Variants in KIAA1217 observed in about 807,000 individuals in gnomAD.
KIAA1217 encodes the protein KIAA1217.
A neutral mutation model predicts 163.9 loss-of-function variants in KIAA1217; 88 were observed. The ratio of observed to expected loss-of-function variants is 0.54; its 90% CI spans 0.45 to 0.64. The LOEUF (loss-of-function observed/expected upper bound fraction) is 0.64, where lower values mean the gene tolerates loss of function less well. Ranked by LOEUF, KIAA1217 falls within the 30% of genes least tolerant of loss-of-function variation. The probability of loss-of-function intolerance (pLI) is 0.00; values close to 1 mark genes in which losing one functional copy is unlikely to be tolerated. For synonymous variants in KIAA1217, 903 were observed against 923.1 expected (o/e 0.98, Z 0.39); for missense variants, 2,372 against 2,475.0 (o/e 0.96, Z 0.88).
At chr10:24,542,803 C>A in intron 18 of KIAA1217, 33 bp downstream of exon 18, 3 of 1,611,392 alleles carry the variant, frequency 1.9e-6, no homozygotes, top group Non-Finnish European at 1.7e-6. Flanking sequence ...CCGACCAATA[C>A]CATGCACATT....
chr10:24,266,056 A>G lies in KIAA1217; in HGVS notation c.354+46147A>G, dbSNP rs1003300995. Among the ~76,000 whole-genome samples, 6 of 151,710 alleles carry G rather than the reference A, an allele frequency of 4.0e-5. 1 individual carries two copies. Among genetic ancestry groups the G allele is most frequent in the Admixed American group, 3.9e-4 (6 of 15,212 alleles). On this transcript the variant is annotated intron_variant, in intron 2 of 20. Transcript: ENST00000376454. Reference sequence around the variant, plus strand: ...GAGGCCCCAGTGTAATCAACATCAAATTTGTGTATCTGCAAAGGCTGATCT... The same window carrying G: ...GAGGCCCCAGTGTAATCAACATCAAGTTTGTGTATCTGCAAAGGCTGATCT...
intron 2 of KIAA1217, among the ~76,000 whole-genome samples, chr10:24,284,124 G>T (rs1485095920): frequency 6.6e-6 from 1 of 151,560 alleles, no homozygotes; most frequent in Admixed American, 6.6e-5. Flanking sequence ...TGGCCAGGCT[G>T]GTCTCCATCT....
intron 2 of KIAA1217, among the ~76,000 whole-genome samples, chr10:24,368,076 T>C (rs2051035929): frequency 6.6e-6 from 1 of 152,204 alleles, no homozygotes; most frequent in Non-Finnish European, 1.5e-5. Context: ...CAAATAAACA[T>C]TAAAGTTCAA....
chr10:23,721,633 G>C (rs530787950), intron 1 of KIAA1217, among the ~76,000 whole-genome samples: 1 of 151,672 alleles, frequency 6.6e-6, no homozygotes, highest in African/African-American at 2.4e-5. Flanking sequence ...TAGTCTCTGA[G>C]TATGGTTACC....
At chr10:24,235,814 G>A (rs925156159) in intron 2 of KIAA1217, among the ~76,000 whole-genome samples, 1 of 152,144 alleles carries the variant, frequency 6.6e-6, no homozygotes, top group Admixed American at 6.5e-5. Context: ...CAGAAGGTCC[G>A]CGTTGACCCT....
chr10:23,774,294 G>A (rs1834920099), intron 1 of KIAA1217, among the ~76,000 whole-genome samples: 2 of 152,188 alleles, frequency 1.3e-5, no homozygotes, highest in Admixed American at 1.3e-4. Context: ...GGCGAAAGAG[G>A]TGAAAGGACC....
At chr10:23,781,440 T>C (rs1272713921) in intron 1 of KIAA1217, among the ~76,000 whole-genome samples, 1 of 152,198 alleles carries the variant, frequency 6.6e-6, no homozygotes, top group Non-Finnish European at 1.5e-5. Flanking sequence ...CCAGGTCCTT[T>C]GCATGTTTTA....
intron 1 of KIAA1217, among the ~76,000 whole-genome samples, chr10:23,783,326 G>A (rs1835344156): frequency 6.6e-6 from 1 of 152,128 alleles, no homozygotes; most frequent in African/African-American, 2.4e-5. Flanking sequence ...AGATGATTAT[G>A]CTTTTTATTT....
intron 2 of KIAA1217, among the ~76,000 whole-genome samples, chr10:24,031,818 A>T (rs1203185899): frequency 1.3e-5 from 2 of 152,208 alleles, no homozygotes. Flanking sequence ...TGATTTTCAA[A>T]ATCTTTAATG....
chr10:24,417,394 G>A (rs1010408696), intron 3 of KIAA1217, among the ~76,000 whole-genome samples: 3 of 152,192 alleles, frequency 2.0e-5, no homozygotes, highest in Non-Finnish European at 4.4e-5. Flanking sequence ...CTCCATAGCT[G>A]CCCGTGAGCA....
intron 2 of KIAA1217, among the ~76,000 whole-genome samples, chr10:24,081,014 T>C (rs2061521405): frequency 6.6e-6 from 1 of 152,224 alleles, no homozygotes; most frequent in Admixed American, 6.5e-5. Flanking sequence ...CTGAGGGTTT[T>C]ACATTGCACT....
intron 1 of KIAA1217, among the ~76,000 whole-genome samples, chr10:23,792,668 ATTT>A (rs898188577): frequency 7.7e-6 from 1 of 129,548 alleles, no homozygotes; most frequent in African/African-American, 2.8e-5. Flanking sequence ...AATTTTTTGT[ATTT>A]TTTTTTTTTT....
intron 1 of KIAA1217, among the ~76,000 whole-genome samples, chr10:23,713,676 T>C (rs1387538585): frequency 2.6e-5 from 4 of 152,160 alleles, no homozygotes; most frequent in African/African-American, 9.6e-5. Flanking sequence ...TAGCTATCCT[T>C]ACATAAGACC....
In KIAA1217 at chr10:23,854,663, T is replaced by G. The variant is rs990598444; in HGVS notation, c.-320-152562T>G. Reference sequence around the variant, plus strand: ...TGTGGGAGTCTAAGTCTCTTTGTAGTTCACTCAGGACTTGCTTTATGAATC... The same window carrying G: ...TGTGGGAGTCTAAGTCTCTTTGTAGGTCACTCAGGACTTGCTTTATGAATC... On this transcript the variant is annotated intron_variant, in intron 1 of 18. Transcript: ENST00000376462. 1.2e-4 allele frequency among the ~76,000 whole-genome samples: 18 copies of G among 152,132 alleles called. 1 individual carries two copies. The highest frequency in any genetic ancestry group is 7.2e-4 in the Admixed American group (11 of 15,268).
intron 1 of KIAA1217, among the ~76,000 whole-genome samples, chr10:23,785,371 C>T (rs1483893033): frequency 6.6e-6 from 1 of 152,282 alleles, no homozygotes; most frequent in East Asian, 1.9e-4. Context: ...ACCCCCTTAC[C>T]CCTGTGCCTC....
At chr10:24,083,040 C>CT in intron 2 of KIAA1217, among the ~76,000 whole-genome samples, 1 of 152,114 alleles carries the variant, frequency 6.6e-6, no homozygotes, top group African/African-American at 2.4e-5. Flanking sequence ...GCTTGTATGT[C>CT]TTTTTTTGAT....
intron 2 of KIAA1217, among the ~76,000 whole-genome samples, chr10:24,335,210 A>G (rs960153333): frequency 1.3e-5 from 2 of 152,222 alleles, no homozygotes; most frequent in South Asian, 4.1e-4. Flanking sequence ...GCAAACCCAT[A>G]AAGATAGAGA....
chr10:23,976,972 C>T (rs1389894381), intron 1 of KIAA1217, among the ~76,000 whole-genome samples: 1 of 152,194 alleles, frequency 6.6e-6, no homozygotes, highest in Non-Finnish European at 1.5e-5. Flanking sequence ...TACGACACCA[C>T]TTTCTTTCTC....
intron 2 of KIAA1217, among the ~76,000 whole-genome samples, chr10:24,111,603 A>G (rs1397242305): frequency 6.6e-6 from 1 of 152,224 alleles, no homozygotes; most frequent in East Asian, 1.9e-4. Context: ...GTGAAGCCAC[A>G]TTCATTTGAG....
Sources: allele counts gnomAD v4.1 joint callset (sites outside exome capture counted in the v4.1 genomes callset), GRCh38; gene constraint gnomAD v4.1.1; transcripts MANE v1.5; gene names NCBI Gene and HGNC (gene_info 2026-07-23, HGNC 2026-07-21).